CPNE4: variants seen among roughly 807,000 people sequenced by gnomAD.
CPNE4 encodes copine-4.
In CPNE4, 25 loss-of-function variants were observed where a neutral mutation model predicts 67.9. The observed-to-expected ratio is 0.37, with a 90% CI of 0.27 to 0.51. The LOEUF is 0.51. CPNE4 is among the 20% of genes least tolerant of loss of function. The probability of loss-of-function intolerance (pLI) is 0.93; values close to 1 mark genes in which losing one functional copy is unlikely to be tolerated. For synonymous variants in CPNE4, 242 were observed against 244.9 expected (o/e 0.99, Z 0.11); for missense variants, 464 against 690.8 (o/e 0.67, Z 3.68).
At chr3:131,548,264 A>G (rs1225396104) in intron 14 of CPNE4, among the ~76,000 whole-genome samples, 1 of 152,210 alleles carries the variant, frequency 6.6e-6, no homozygotes, top group Non-Finnish European at 1.5e-5. Context: ...TATGAAAAGT[A>G]GAGTGGCTTT....
intron 2 of CPNE4, among the ~76,000 whole-genome samples, chr3:131,783,742 A>G (rs557887468): frequency 1.3e-5 from 2 of 152,090 alleles, no homozygotes; most frequent in East Asian, 1.9e-4. Context: ...TCTTAAACCT[A>G]TTGCTTGGGG....
At chr3:131,621,603 G>T (rs78789593) in intron 7 of CPNE4, among the ~76,000 whole-genome samples, 16,146 of 151,964 alleles carry the variant, frequency 0.11, 1,629 homozygotes, top group African/African-American at 0.27. Flanking sequence ...TTATCCCTCA[G>T]ATACTGCAGG....
At chr3:131,924,067 C>A (rs2070822997) in intron 1 of CPNE4, among the ~76,000 whole-genome samples, 1 of 152,174 alleles carries the variant, frequency 6.6e-6, no homozygotes. Context: ...GTGATAGTGG[C>A]TACTTGCAGG....
intron 5 of CPNE4, among the ~76,000 whole-genome samples, chr3:131,693,589 C>G (rs558198880): frequency 3.2e-3 from 490 of 152,270 alleles, no homozygotes; most frequent in Non-Finnish European, 5.5e-3. Context: ...CTCTGGAAAA[C>G]TCCACTTTAC....
At chr3:131,839,961 T>A (rs924607078) in intron 2 of CPNE4, among the ~76,000 whole-genome samples, 1 of 152,176 alleles carries the variant, frequency 6.6e-6, no homozygotes, top group South Asian at 2.1e-4. Flanking sequence ...TACGAGGCAA[T>A]GTCAGATGGA....
intron 1 of CPNE4, among the ~76,000 whole-genome samples, chr3:132,010,576 T>C (rs1216873032): frequency 6.6e-6 from 1 of 152,168 alleles, no homozygotes; most frequent in Non-Finnish European, 1.5e-5. Flanking sequence ...TCTGGACACT[T>C]GTGTCCAGGT....
intron 1 of CPNE4, among the ~76,000 whole-genome samples, chr3:131,947,432 T>C (rs770365383): frequency 6.6e-6 from 1 of 152,148 alleles, no homozygotes; most frequent in Non-Finnish European, 1.5e-5. Flanking sequence ...TTTCCATCCC[T>C]GTGTCCATGT....
At chr3:131,684,309 T>C (rs2080831359) in intron 6 of CPNE4, among the ~76,000 whole-genome samples, 4 of 152,320 alleles carry the variant, frequency 2.6e-5, no homozygotes, top group Admixed American at 2.6e-4. Flanking sequence ...GTGAAAGACC[T>C]CTTTTGGTGG....
At chr3:131,794,429 G>A (rs747526413) in intron 2 of CPNE4, among the ~76,000 whole-genome samples, 3 of 152,170 alleles carry the variant, frequency 2.0e-5, no homozygotes, top group South Asian at 4.2e-4. Flanking sequence ...ACTGTTAGTA[G>A]AGATGGGGTT....
At chr3:131,581,836 T>G (rs72999223) in intron 8 of CPNE4, among the ~76,000 whole-genome samples, 171 bp from the exon 9 acceptor site, 9,486 of 152,204 alleles carry the variant, frequency 0.062, 739 homozygotes, top group African/African-American at 0.19. Context: ...TTGAGAGTGA[T>G]ACTCACTGTC....
intron 2 of CPNE4, among the ~76,000 whole-genome samples, chr3:131,852,108 T>A (rs1262853188): frequency 6.6e-6 from 1 of 152,092 alleles, no homozygotes; most frequent in Non-Finnish European, 1.5e-5. Context: ...TACATTAATT[T>A]GTTCACTCAT....
At chr3:132,038,701 T>G (rs1361497981), upstream of CPNE4, among the ~76,000 whole-genome samples, 2 of 152,174 alleles carry the variant, frequency 1.3e-5, no homozygotes, top group Non-Finnish European at 2.9e-5. Context: ...ACATAATATC[T>G]TCCCAGACAC....
At chr3:131,858,937 T>C (rs1447435080) in intron 2 of CPNE4, among the ~76,000 whole-genome samples, 3 of 152,174 alleles carry the variant, frequency 2.0e-5, no homozygotes, top group African/African-American at 7.2e-5. Context: ...AAGAGTAATG[T>C]CTGGACTCTG....
intron 2 of CPNE4, among the ~76,000 whole-genome samples, chr3:131,775,412 G>A (rs1432411841): frequency 6.6e-6 from 1 of 152,122 alleles, no homozygotes; most frequent in East Asian, 1.9e-4. Flanking sequence ...TAGAGAAAGA[G>A]AAAGGGGATA....
chr3:131,862,194 TGTC>T (rs1208540972), intron 2 of CPNE4, among the ~76,000 whole-genome samples: 12 of 152,336 alleles, frequency 7.9e-5, no homozygotes, highest in African/African-American at 2.4e-4. Flanking sequence ...TAGTTCAAGT[TGTC>T]TTCTTGGTCT....
intron 7 of CPNE4, among the ~76,000 whole-genome samples, chr3:131,649,567 G>A (rs1054581578): frequency 6.6e-6 from 1 of 152,214 alleles, no homozygotes; most frequent in Non-Finnish European, 1.5e-5. Flanking sequence ...TCTCCAGGCT[G>A]ACGTTCAAGT....
At chr3:131,584,090 T>G (rs1938018587) in intron 8 of CPNE4, among the ~76,000 whole-genome samples, 1 of 152,180 alleles carries the variant, frequency 6.6e-6, no homozygotes, top group South Asian at 2.1e-4. Context: ...ACCCTGTACC[T>G]ATAGAATCAT....
intron 2 of CPNE4, among the ~76,000 whole-genome samples, chr3:131,846,107 C>T (rs887379682): frequency 1.3e-5 from 2 of 152,172 alleles, no homozygotes; most frequent in African/African-American, 4.8e-5. Flanking sequence ...TTGGGCAAGG[C>T]ACTTAACATT....
At chr3:131,710,283 T>A (rs1237106381) in intron 3 of CPNE4, among the ~76,000 whole-genome samples, 1 of 152,114 alleles carries the variant, frequency 6.6e-6, no homozygotes, top group African/African-American at 2.4e-5. Context: ...AAAGATGGGG[T>A]CTAACTGCTA....
Sources: gnomAD v4.1 joint callset for allele counts (sites outside exome capture counted in the v4.1 genomes callset) on GRCh38, gnomAD v4.1.1 for gene constraint, MANE v1.5 for transcripts, NCBI Gene and HGNC (gene_info 2026-07-23, HGNC 2026-07-21) for gene names.